Variants in TANC1 observed in about 807,000 individuals in gnomAD.
TANC1 encodes the protein tetratricopeptide repeat, ankyrin repeat and coiled-coil containing 1, also known as protein TANC1.
In TANC1, 77 loss-of-function variants were observed where a neutral mutation model predicts 149.7. The observed-to-expected ratio is 0.51, with a 90% CI of 0.43 to 0.62. The LOEUF is 0.62. Among genes scored for constraint, TANC1 ranks in the 20% least tolerant of loss-of-function variants. The probability of loss-of-function intolerance (pLI) is 0.00; values close to 1 mark genes in which losing one functional copy is unlikely to be tolerated. For synonymous variants in TANC1, 854 were observed against 925.0 expected, an observed-to-expected ratio of 0.92 and a Z score of 1.39; for missense variants, 1,985 against 2,321.8, an observed-to-expected ratio of 0.85 and a Z score of 2.98.
In TANC1 at chr2:159,071,030, T is replaced by C. The variant is rs558981760; in HGVS notation, c.61+5059T>C. On this transcript the variant is annotated intron_variant, in intron 3 of 26. Coordinates refer to ENST00000263635, the MANE Select transcript of TANC1 (RefSeq NM_033394.3). The stretch of plus-strand genomic sequence containing the variant: ...CTTTAAACCCTGGAGATTTTGTCCT[T>C]ACTCTGGAAGCATTAGGTGGTCAAG... 1.1e-3 allele frequency among the ~76,000 whole-genome samples: 171 copies of C among 152,316 alleles called. 1 individual carries two copies. Among genetic ancestry groups the C allele is most frequent in the African/African-American group, 4.0e-3 (165 of 41,562 alleles).
chr2:159,064,529 G>A (rs1452414268), intron 2 of TANC1, among the ~76,000 whole-genome samples: 2 of 152,200 alleles, frequency 1.3e-5, no homozygotes, highest in African/African-American at 4.8e-5. Context: ...GGAGGAAGGT[G>A]GTCCTGCTGG....
At chr2:158,994,720 G>T (rs796883725) in intron 1 of TANC1, among the ~76,000 whole-genome samples, 2 of 152,280 alleles carry the variant, frequency 1.3e-5, no homozygotes, top group African/African-American at 4.8e-5. Context: ...TAATCAAGTT[G>T]ATTTATTTGT....
At chr2:159,027,563 C>T (rs2039447647) in intron 2 of TANC1, among the ~76,000 whole-genome samples, 1 of 152,190 alleles carries the variant, frequency 6.6e-6, no homozygotes, top group African/African-American at 2.4e-5. Flanking sequence ...CCCTAGCTCT[C>T]GTCTTCTGAA....
At chr2:159,075,300 G>T (rs2043548526) in intron 3 of TANC1, among the ~76,000 whole-genome samples, 1 of 151,968 alleles carries the variant, frequency 6.6e-6, no homozygotes, top group Non-Finnish European at 1.5e-5. Context: ...GGGCCCAGTG[G>T]TTCATGCCTG....
Position 159,230,628 on chromosome 2 carries a change from A to G in TANC1, c.5202A>G (p.Gln1734=), listed in dbSNP as rs766754498. Residue 1734 remains glutamine, a synonymous_variant, in exon 27 of 27, where the codon CAA becomes CAG. Transcript: ENST00000263635. This position sits in a 1 kb window ranked among gnomAD's most constrained non-coding sequence, Gnocchi z 4.4. ...MGIMDKTARF[Q]QQSNPPSRSW... ...TCATGGATAAGACTGCGAGGTTCCA[A>G]CAGCAGAGCAATCCTCCAAGCCGCA... 6.2e-7 allele frequency: 1 copy of G among 1,614,188 alleles called. No individual in the cohort carries two copies. The highest frequency in any genetic ancestry group is 1.7e-5 in the Admixed American group (1 of 60,022).
At chr2:159,030,942 C>A (rs943280651) in intron 2 of TANC1, among the ~76,000 whole-genome samples, 8 of 152,108 alleles carry the variant, frequency 5.3e-5, no homozygotes, top group Admixed American at 5.2e-4. Flanking sequence ...GCTGGTGGCT[C>A]AGGGTATATG....
chr2:158,986,232 G>C (rs1432400661), intron 1 of TANC1, among the ~76,000 whole-genome samples: 3 of 144,008 alleles, frequency 2.1e-5, no homozygotes, highest in African/African-American at 3.0e-5. Flanking sequence ...ATGATTTTTG[G>C]ACTGGGATGA....
chr2:159,120,116 G>A (rs972532727), intron 4 of TANC1, among the ~76,000 whole-genome samples: 8 of 152,184 alleles, frequency 5.3e-5, no homozygotes, highest in African/African-American at 1.7e-4. Flanking sequence ...TTCAGAGATA[G>A]CATCTTTGTA....
chr2:159,071,380 A>C (rs2043142322), intron 3 of TANC1, among the ~76,000 whole-genome samples: 1 of 149,822 alleles, frequency 6.7e-6, no homozygotes, highest in African/African-American at 2.4e-5. Context: ...CTTAGTTTGA[A>C]GCAACTTGTT....
At position 159,045,153 on chromosome 2, in the gene TANC1, C is replaced by T. The variant is rs112050843; in HGVS notation, c.-15-20743C>T. On this transcript the variant is annotated intron_variant, in intron 2 of 26. Coordinates refer to ENST00000263635, the MANE Select transcript of TANC1 (RefSeq NM_033394.3). ...TTCCACAAGAGGTGATAGTGTATAT[C>T]ATGAAGTAAGATAGCCACATATGGG... Among the ~76,000 whole-genome samples the T allele has an allele frequency of 2.3e-3, 349 of 152,292 alleles. 3 individuals carry two copies. The highest frequency in any genetic ancestry group is 7.7e-3 in the African/African-American group (322 of 41,556).
intron 4 of TANC1, among the ~76,000 whole-genome samples, chr2:159,099,129 T>G (rs920968381): frequency 6.6e-6 from 1 of 152,202 alleles, no homozygotes; most frequent in South Asian, 2.1e-4. Context: ...AATTTGTGAG[T>G]GTCCAAAATC....
intron 1 of TANC1, among the ~76,000 whole-genome samples, chr2:158,977,972 A>AT (rs1223710972): frequency 3.9e-5 from 6 of 151,960 alleles, no homozygotes; most frequent in African/African-American, 7.2e-5. Context: ...TCTTATGAAC[A>AT]TTTTTTCTGA....
chr2:159,143,079 C>CAAAACAA (rs57371944), intron 5 of TANC1, among the ~76,000 whole-genome samples: 4 of 133,862 alleles, frequency 3.0e-5, no homozygotes, highest in Non-Finnish European at 6.3e-5. Flanking sequence ...AAAAAAAAAA[C>CAAAACAA]AACAAAACAA....
chr2:158,976,533 CTTA>C (rs1199731360), intron 1 of TANC1, among the ~76,000 whole-genome samples: 1 of 152,152 alleles, frequency 6.6e-6, no homozygotes, highest in Non-Finnish European at 1.5e-5. Flanking sequence ...AGAAAATGTT[CTTA>C]TGAGTTTAGA....
intron 3 of TANC1, among the ~76,000 whole-genome samples, chr2:159,094,206 T>C (rs2045847009): frequency 1.3e-5 from 2 of 152,224 alleles, no homozygotes; most frequent in African/African-American, 4.8e-5. Flanking sequence ...GCCATTTGAC[T>C]AGCTGGGTCT....
intron 1 of TANC1, among the ~76,000 whole-genome samples, chr2:158,992,364 CAA>C (rs34780271): frequency 2.3e-4 from 30 of 132,234 alleles, no homozygotes; most frequent in Non-Finnish European, 2.6e-4. Context: ...TACCCTGTCT[CAA>C]AAAAAAAAAA....
At chr2:159,141,668 G>A (rs2051384044) in intron 5 of TANC1, among the ~76,000 whole-genome samples, 2 of 152,206 alleles carry the variant, frequency 1.3e-5, no homozygotes, top group Admixed American at 1.3e-4. Flanking sequence ...AAAGAGCTCA[G>A]GATATAAACT....
chr2:159,205,366 A>G (rs534883260), intron 19 of TANC1, among the ~76,000 whole-genome samples: 36 of 152,326 alleles, frequency 2.4e-4, no homozygotes, highest in African/African-American at 8.7e-4. Flanking sequence ...GTTCTTTGGT[A>G]AGAATGTAAA....
intron 2 of TANC1, among the ~76,000 whole-genome samples, chr2:159,021,699 A>C (rs961922887): frequency 2.0e-5 from 3 of 152,262 alleles, no homozygotes; most frequent in African/African-American, 7.2e-5. Flanking sequence ...TAAAATAGTA[A>C]CAATTTAAAT....
Sources: allele counts gnomAD v4.1 joint callset (sites outside exome capture counted in the v4.1 genomes callset), GRCh38; gene constraint gnomAD v4.1.1; non-coding constraint Gnocchi (gnomAD v3.1); transcripts MANE v1.5; gene names NCBI Gene and HGNC (gene_info 2026-07-23, HGNC 2026-07-21).